EIF4G3: variants seen among roughly 807,000 people sequenced by gnomAD.
The protein encoded by EIF4G3 is eukaryotic translation initiation factor 4 gamma 3.
A neutral mutation model predicts 186.4 loss-of-function variants in EIF4G3; 34 were observed. The ratio of observed to expected loss-of-function variants is 0.18; its 90% CI spans 0.14 to 0.24. The LOEUF is 0.24. Among genes scored for constraint, EIF4G3 ranks in the 10% least tolerant of loss-of-function variants. EIF4G3 has a pLI of 1.00. For missense variants in EIF4G3, 1,536 were observed against 1,948.5 expected (o/e 0.79, Z 3.99); for synonymous variants, 673 against 679.5 (o/e 0.99, Z 0.15).
intron 14 of EIF4G3, among the ~76,000 whole-genome samples, chr1:20,930,234 T>C (rs2095240246): frequency 6.6e-6 from 1 of 152,108 alleles, no homozygotes; most frequent in Admixed American, 6.6e-5. Context: ...GGCATGAGAG[T>C]GGCTGTGGCA....
intron 30 of EIF4G3, among the ~76,000 whole-genome samples, chr1:20,835,747 G>A (rs1192123703): frequency 1.3e-5 from 2 of 152,084 alleles, no homozygotes; most frequent in Non-Finnish European, 2.9e-5. Context: ...AGACCAGCCT[G>A]GGCAACATAG....
chr1:21,044,438 CT>C (rs891618595), intron 4 of EIF4G3, among the ~76,000 whole-genome samples: 1 of 151,890 alleles, frequency 6.6e-6, no homozygotes, highest in African/African-American at 2.4e-5. Context: ...ATACATTTTG[CT>C]TTTTTTAAAT....
intron 20 of EIF4G3, among the ~76,000 whole-genome samples, chr1:20,872,771 T>C (rs923518565): frequency 7.2e-5 from 10 of 138,930 alleles, no homozygotes; most frequent in African/African-American, 2.7e-4. Context: ...CAGGCTGGAG[T>C]GCAGTGGCAT....
At chr1:20,944,789 C>G (rs1291168483) in intron 13 of EIF4G3, among the ~76,000 whole-genome samples, 1 of 151,714 alleles carries the variant, frequency 6.6e-6, no homozygotes, top group Non-Finnish European at 1.5e-5. Flanking sequence ...AATCCCAGCA[C>G]TTTGGGAGGC....
chr1:20,885,003 C>T (rs2083638988), intron 19 of EIF4G3, among the ~76,000 whole-genome samples: 1 of 152,180 alleles, frequency 6.6e-6, no homozygotes, highest in Non-Finnish European at 1.5e-5. Context: ...GTTAGATTCT[C>T]ATAAGGAGCG....
chr1:21,024,883 T>C (rs373906591), intron 4 of EIF4G3, among the ~76,000 whole-genome samples: 1 of 129,440 alleles, frequency 7.7e-6, no homozygotes, highest in East Asian at 2.1e-4. Flanking sequence ...CCAATAATTA[T>C]CAATAAAAAA....
intron 14 of EIF4G3, among the ~76,000 whole-genome samples, chr1:20,915,145 C>G (rs1003383550): frequency 3.9e-5 from 6 of 152,174 alleles, no homozygotes; most frequent in African/African-American, 1.4e-4. Context: ...TTCTCCTCAT[C>G]ATGGGTCATA....
At chr1:21,096,645 C>T (rs1358384578) in intron 2 of EIF4G3, among the ~76,000 whole-genome samples, 1 of 152,132 alleles carries the variant, frequency 6.6e-6, no homozygotes, top group East Asian at 1.9e-4. Context: ...GCTGATATGC[C>T]AAATTCCTCT....
chr1:21,143,177 A>G (rs1463799153), intron 2 of EIF4G3, among the ~76,000 whole-genome samples: 1 of 151,934 alleles, frequency 6.6e-6, no homozygotes, highest in Non-Finnish European at 1.5e-5. Flanking sequence ...TGAACCTGGG[A>G]GGCAGAGGTT....
intron 18 of EIF4G3, among the ~76,000 whole-genome samples, chr1:20,891,480 G>T (rs963189101): frequency 1.3e-5 from 2 of 151,520 alleles, no homozygotes; most frequent in South Asian, 4.2e-4. Context: ...TGAAAAAAAA[G>T]GTATAAAATG....
chr1:20,993,433 GGAT>G (rs58369250), intron 7 of EIF4G3, among the ~76,000 whole-genome samples: 50,659 of 151,778 alleles, frequency 0.33, 9,151 homozygotes, highest in Non-Finnish European at 0.41. Flanking sequence ...TTACTAAACT[GGAT>G]GATGTTTTCT....
intron 14 of EIF4G3, among the ~76,000 whole-genome samples, chr1:20,939,322 A>T (rs557528835): frequency 4.3e-4 from 66 of 152,296 alleles, no homozygotes; most frequent in African/African-American, 1.5e-3. Context: ...GTCATTAAAA[A>T]AACAGTTCTT....
chr1:20,812,133 CT>C (rs2059365769), intron 35 of EIF4G3, among the ~76,000 whole-genome samples: 3 of 152,090 alleles, frequency 2.0e-5, no homozygotes. Context: ...GCAGATTTTG[CT>C]TTTAAAATCT....
At chr1:20,808,031 C>A (rs956936635) in intron 36 of EIF4G3, among the ~76,000 whole-genome samples, 1 of 151,852 alleles carries the variant, frequency 6.6e-6, no homozygotes, top group African/African-American at 2.4e-5. Flanking sequence ...TTACAGGCGC[C>A]GGCCACCACA....
intron 14 of EIF4G3, among the ~76,000 whole-genome samples, chr1:20,910,874 A>G (rs184451708): frequency 6.6e-6 from 1 of 152,330 alleles, no homozygotes; most frequent in East Asian, 1.9e-4. Flanking sequence ...TAAAAACTGG[A>G]AGGAAACAAA....
chr1:21,041,073 C>T lies in EIF4G3; in HGVS notation c.-67+9793G>A, dbSNP rs547701545. Among the ~76,000 whole-genome samples, 4 of 152,216 alleles carry T rather than the reference C, an allele frequency of 2.6e-5. No individual in the cohort carries two copies. In the South Asian group the frequency reaches 8.3e-4, roughly 32 times the overall value. On this transcript the variant is annotated intron_variant, in intron 4 of 36. Transcript: ENST00000602326. ...GGATGCCTGCACCAGTCATTCACTG[C>T]TCAATTAAACTCCTTTAAATTTAAT...
At chr1:20,900,120 A>G (rs1201771881) in intron 15 of EIF4G3, among the ~76,000 whole-genome samples, 177 bp from the exon 16 acceptor site, 1 of 152,232 alleles carries the variant, frequency 6.6e-6, no homozygotes, top group East Asian at 1.9e-4. Context: ...TTCTCATTTC[A>G]GCACCTAGGA....
chr1:20,960,919 C>G (rs972820561), intron 12 of EIF4G3, among the ~76,000 whole-genome samples: 1 of 152,158 alleles, frequency 6.6e-6, no homozygotes, highest in Non-Finnish European at 1.5e-5. Flanking sequence ...CAAAAATCAT[C>G]ACCCAAAAGA....
At chr1:20,977,435 C>A (rs1028543704) in intron 10 of EIF4G3, among the ~76,000 whole-genome samples, 2 of 152,180 alleles carry the variant, frequency 1.3e-5, no homozygotes, top group African/African-American at 4.8e-5. Context: ...GATCCACCCA[C>A]CTTGGTCTCC....
Sources: gnomAD v4.1 joint callset for allele counts (sites outside exome capture counted in the v4.1 genomes callset) on GRCh38, gnomAD v4.1.1 for gene constraint, MANE v1.5 for transcripts, NCBI Gene and HGNC (gene_info 2026-07-23, HGNC 2026-07-21) for gene names.